The following SUMF1 variants were observed in gnomAD, a reference collection of about 807,000 sequenced individuals.
SUMF1 encodes the protein formylglycine-generating enzyme.
A neutral mutation model predicts 47.6 loss-of-function variants in SUMF1; 48 were observed. The ratio of observed to expected loss-of-function variants is 1.01; its 90% CI spans 0.80 to 1.28. SUMF1 has a LOEUF of 1.28. Among genes scored for constraint, SUMF1 ranks in the 50% most tolerant of loss-of-function variants. The pLI is 0.00. For missense variants in SUMF1, 571 were observed against 485.4 expected (o/e 1.18, Z -1.66); for synonymous variants, 230 against 192.1 (o/e 1.20, Z -1.63).
rs1288559452 is a variant in SUMF1 at position 4,150,746 on chromosome 3, G to C, written c.1015-82001C>G. ...GATACCACTATGAAAAGATGCACTG[G>C]GAAGTTTGGGCATGCTTTTGTATCA... On this transcript the variant is annotated intron_variant and NMD_transcript_variant, in intron 8 of 12. Transcript: ENST00000448413. Among the ~76,000 whole-genome samples the C allele has an allele frequency of 2.6e-5, 4 of 151,604 alleles. No homozygotes were observed. In the East Asian group the frequency reaches 7.7e-4, roughly 29 times the overall value.
In SUMF1 at chr3:4,217,146, A is replaced by T. The variant is rs111339695; in HGVS notation, c.1015-148401T>A. 5.7e-3 allele frequency among the ~76,000 whole-genome samples: 862 copies of T among 152,220 alleles called. 9 individuals carry two copies. The highest frequency in any genetic ancestry group is 0.019 in the African/African-American group (809 of 41,522). On this transcript the variant is annotated intron_variant and NMD_transcript_variant, in intron 8 of 12. Transcript: ENST00000448413. ...CCATCGATGATAGACTGGATTAAAA[A>T]CATGTGGCACATACACACCATGGAA...
intron 8 of SUMF1, among the ~76,000 whole-genome samples, chr3:4,082,845 A>G (rs1254619501): frequency 6.6e-6 from 1 of 152,098 alleles, no homozygotes; most frequent in East Asian, 1.9e-4. Flanking sequence ...CTCTCAGGCA[A>G]TCAAAACAGG....
intron 9 of SUMF1, among the ~76,000 whole-genome samples, chr3:4,052,626 C>T (rs185581527): frequency 7.9e-5 from 12 of 152,330 alleles, no homozygotes; most frequent in African/African-American, 2.6e-4. Flanking sequence ...AAAACTACTA[C>T]TTACCCATCC....
chr3:4,175,363 T>C (rs1230983672), intron 8 of SUMF1, among the ~76,000 whole-genome samples: 5 of 152,088 alleles, frequency 3.3e-5, no homozygotes, highest in Admixed American at 3.3e-4. Context: ...ATATTTGCAT[T>C]CTGCTGCCTC....
In SUMF1 at chr3:4,379,773, C is replaced by T. The variant is rs141210485; in HGVS notation, c.955-3384G>A. Among the ~76,000 whole-genome samples the T allele has an allele frequency of 6.8e-3, 915 of 134,350 alleles. 6 individuals are homozygous for T. Among genetic ancestry groups the T allele is most frequent in the African/African-American group, 0.024 (870 of 35,876 alleles). 88.1% of individuals were successfully genotyped at this position (134,350 alleles called of 152,430 possible). ...AGGAGAATCACTTGAATCCGCGAGG[C>T]GGAGGTTGCAGTGAGCCGAGATCGT... On this transcript the variant is annotated intron_variant, in intron 7 of 8. Coordinates refer to ENST00000272902, the MANE Select transcript of SUMF1 (RefSeq NM_182760.4).
At chr3:4,383,472 G>C (rs1330440367) in intron 7 of SUMF1, among the ~76,000 whole-genome samples, 3 of 152,168 alleles carry the variant, frequency 2.0e-5, no homozygotes, top group Non-Finnish European at 1.5e-5. Flanking sequence ...TATAAATTGA[G>C]AGGCTTAAAA....
chr3:4,313,266 C>T (rs150806345), intron 8 of SUMF1: 1 of 1,613,824 alleles, frequency 6.2e-7, no homozygotes, highest in African/African-American at 1.3e-5. Context: ...TTTTAGGATT[C>T]TCTGAAGTTC....
chr3:4,257,518 C>T (rs1416884725), intron 8 of SUMF1, among the ~76,000 whole-genome samples: 2 of 151,356 alleles, frequency 1.3e-5, no homozygotes, highest in East Asian at 1.9e-4. Context: ...AAAATTGCTT[C>T]AAAGAGAATA....
intron 8 of SUMF1, among the ~76,000 whole-genome samples, chr3:4,289,541 T>C (rs558445057): frequency 2.8e-4 from 42 of 152,308 alleles, no homozygotes; most frequent in Non-Finnish European, 5.0e-4. Context: ...GCTTAAGCCC[T>C]TGCCTTCAAG....
chr3:4,045,811 T>C (rs1360943941), intron 9 of SUMF1, among the ~76,000 whole-genome samples: 1 of 152,174 alleles, frequency 6.6e-6, no homozygotes. Context: ...AGACAGAGTC[T>C]GCAGGGATAG....
chr3:4,111,854 T>C (rs538848208), intron 8 of SUMF1, among the ~76,000 whole-genome samples: 36 of 152,270 alleles, frequency 2.4e-4, no homozygotes, highest in Non-Finnish European at 3.8e-4. Flanking sequence ...AAATTTGAAG[T>C]GCACTGGCCT....
chr3:4,211,839 C>T (rs1473064790), intron 8 of SUMF1, among the ~76,000 whole-genome samples: 1 of 152,168 alleles, frequency 6.6e-6, no homozygotes, highest in African/African-American at 2.4e-5. Context: ...CTGGGAGGAG[C>T]CCACTGCAGT....
At chr3:4,118,865 T>C (rs191515883) in intron 8 of SUMF1, among the ~76,000 whole-genome samples, 2 of 152,232 alleles carry the variant, frequency 1.3e-5, no homozygotes, top group Admixed American at 1.3e-4. Flanking sequence ...TCTTTACTTA[T>C]TCTTTTACTC....
chr3:4,133,766 T>C (rs187271149), intron 8 of SUMF1, among the ~76,000 whole-genome samples: 1 of 152,210 alleles, frequency 6.6e-6, no homozygotes, highest in Non-Finnish European at 1.5e-5. Flanking sequence ...TTGTAGGACC[T>C]TCTGATCATG....
At chr3:4,272,942 T>A (rs1451742042) in intron 8 of SUMF1, among the ~76,000 whole-genome samples, 2 of 151,886 alleles carry the variant, frequency 1.3e-5, no homozygotes, top group Non-Finnish European at 2.9e-5. Flanking sequence ...AGGCATCGTG[T>A]TACGCACCTG....
intron 8 of SUMF1, among the ~76,000 whole-genome samples, chr3:4,069,327 A>T (rs191975293): frequency 4.6e-5 from 7 of 152,324 alleles, no homozygotes; most frequent in Admixed American, 3.3e-4. Flanking sequence ...CTTCGAGGTC[A>T]TGTGTGACTT....
At chr3:4,308,575 T>G (rs1698283110) in intron 8 of SUMF1, among the ~76,000 whole-genome samples, 1 of 152,250 alleles carries the variant, frequency 6.6e-6, no homozygotes, top group Non-Finnish European at 1.5e-5. Flanking sequence ...GTGGGTATTA[T>G]CCTTGTCTTA....
At chr3:4,412,129 T>C (rs1208626038) in intron 6 of SUMF1, among the ~76,000 whole-genome samples, 3 of 152,306 alleles carry the variant, frequency 2.0e-5, no homozygotes, top group Non-Finnish European at 2.9e-5. Flanking sequence ...TCAGCAATCA[T>C]TATGGAAACA....
At chr3:4,114,485 A>G (rs1008545909) in intron 8 of SUMF1, among the ~76,000 whole-genome samples, 2 of 152,314 alleles carry the variant, frequency 1.3e-5, no homozygotes, top group East Asian at 3.9e-4. Context: ...AATCCTTAAT[A>G]TGCTGCCCTT....
Sources: allele counts gnomAD v4.1 joint callset (sites outside exome capture counted in the v4.1 genomes callset), GRCh38; gene constraint gnomAD v4.1.1; transcripts MANE v1.5; gene names NCBI Gene and HGNC (gene_info 2026-07-23, HGNC 2026-07-21).